The following SOX6 variants were observed in gnomAD, a reference collection of about 807,000 sequenced individuals.
The protein encoded by SOX6 is SRY-box transcription factor 6, also known as transcription factor SOX-6.
In SOX6, 11 loss-of-function variants were observed where a neutral mutation model predicts 97.8. The observed-to-expected ratio is 0.11, with a 90% CI of 0.07 to 0.19. SOX6 has a LOEUF of 0.19. Ranked by LOEUF, SOX6 falls within the 10% of genes least tolerant of loss-of-function variation. SOX6 has a pLI of 1.00. For missense variants in SOX6, 810 were observed against 1,039.5 expected (o/e 0.78, Z 3.04); for synonymous variants, 360 against 371.4 (o/e 0.97, Z 0.35).
chr11:16,279,411 ACTAT>A (rs952341719), intron 3 of SOX6, among the ~76,000 whole-genome samples: 3 of 152,090 alleles, frequency 2.0e-5, no homozygotes, highest in Non-Finnish European at 4.4e-5. Flanking sequence ...CAGTTTTTAG[ACTAT>A]CTTTTAAAAA....
At chr11:16,125,927 C>T (rs1053043098) in intron 6 of SOX6, among the ~76,000 whole-genome samples, 3 of 151,850 alleles carry the variant, frequency 2.0e-5, no homozygotes, top group Non-Finnish European at 4.4e-5. Flanking sequence ...TCTCTACTCT[C>T]CAATTCTCCA....
chr11:16,145,022 C>A, intron 6 of SOX6, among the ~76,000 whole-genome samples: 1 of 152,140 alleles, frequency 6.6e-6, no homozygotes, highest in East Asian at 1.9e-4. Context: ...CATCCTGATA[C>A]CAAAGCCTGG....
intron 4 of SOX6, among the ~76,000 whole-genome samples, chr11:16,597,426 T>A (rs1848225284): frequency 6.6e-6 from 1 of 151,790 alleles, no homozygotes; most frequent in Non-Finnish European, 1.5e-5. Flanking sequence ...ACCATCCCCA[T>A]TTTTAAAATT....
chr11:16,100,698 C>T (rs1444255790), intron 7 of SOX6, among the ~76,000 whole-genome samples: 3 of 151,060 alleles, frequency 2.0e-5, no homozygotes, highest in African/African-American at 4.9e-5. Context: ...TAGATTCAGG[C>T]TACCTCCTGC....
intron 4 of SOX6, among the ~76,000 whole-genome samples, chr11:16,583,097 G>A (rs1367394568): frequency 1.3e-5 from 2 of 151,988 alleles, no homozygotes; most frequent in African/African-American, 4.8e-5. Flanking sequence ...GGTAAGGTAT[G>A]CCTTAGATAA....
At chr11:16,522,716 G>A (rs1861088584) in intron 4 of SOX6, among the ~76,000 whole-genome samples, 1 of 152,160 alleles carries the variant, frequency 6.6e-6, no homozygotes, top group Non-Finnish European at 1.5e-5. Context: ...ACCCATCAGT[G>A]TGCTGTATTC....
chr11:16,314,521 A>G (rs1175417882), intron 3 of SOX6: 1 of 152,178 alleles, frequency 6.6e-6, no homozygotes, highest in Non-Finnish European at 1.5e-5. Context: ...GAATTATTAA[A>G]AGTTAGAGAC....
intron 3 of SOX6, chr11:16,318,167 A>T: frequency 2.2e-6 from 1 of 453,294 alleles, no homozygotes; most frequent in Non-Finnish European, 4.0e-6. Context: ...TTCTCTTGTT[A>T]CCTTTTTCCA....
At chr11:16,398,285 C>T (rs977038452) in intron 1 of SOX6, among the ~76,000 whole-genome samples, 2 of 151,458 alleles carry the variant, frequency 1.3e-5, no homozygotes, top group African/African-American at 4.8e-5. Flanking sequence ...TTGACCTTGA[C>T]CTTTTGTCTT....
chr11:16,655,356 C>G (rs1847707311), intron 3 of SOX6, among the ~76,000 whole-genome samples: 1 of 152,022 alleles, frequency 6.6e-6, no homozygotes, highest in African/African-American at 2.4e-5. Flanking sequence ...TTAAATGAAA[C>G]TGGGAAGTGA....
intron 4 of SOX6, among the ~76,000 whole-genome samples, chr11:16,188,229 C>CAAAAAAAAAAA (rs5789943): frequency 8.8e-6 from 1 of 113,602 alleles, no homozygotes; most frequent in Non-Finnish European, 1.9e-5. Context: ...AACTCAGGTC[C>CAAAAAAAAAAA]AAAAAAAAAA....
At chr11:16,544,287 T>C (rs1847588919) in intron 4 of SOX6, among the ~76,000 whole-genome samples, 2 of 152,104 alleles carry the variant, frequency 1.3e-5, no homozygotes, top group Non-Finnish European at 2.9e-5. Context: ...GGAGACAGGG[T>C]CTTGCTCTGT....
chr11:16,328,812 C>A (rs1856187641), intron 2 of SOX6, among the ~76,000 whole-genome samples: 1 of 152,012 alleles, frequency 6.6e-6, no homozygotes, highest in Non-Finnish European at 1.5e-5. Context: ...ATGCTGAAGA[C>A]TAAATTGCAA....
At chr11:16,201,522 A>C (rs185518148) in intron 4 of SOX6, among the ~76,000 whole-genome samples, 5 of 150,454 alleles carry the variant, frequency 3.3e-5, no homozygotes, top group African/African-American at 1.2e-4. Context: ...TATATTCTAT[A>C]TATAGATAGA....
intron 3 of SOX6, chr11:16,646,377 T>A (rs934786504): frequency 6.6e-6 from 1 of 152,218 alleles, no homozygotes; most frequent in African/African-American, 2.4e-5. Flanking sequence ...ATTCTATTTA[T>A]ATTTACTGTG....
At chr11:16,200,326 T>C (rs190474864) in intron 4 of SOX6, among the ~76,000 whole-genome samples, 1 of 152,306 alleles carries the variant, frequency 6.6e-6, no homozygotes, top group East Asian at 1.9e-4. Flanking sequence ...ACTCACTTTC[T>C]ACAGTTTAAG....
intron 3 of SOX6, among the ~76,000 whole-genome samples, chr11:16,661,589 G>A (rs918526392): frequency 2.0e-5 from 3 of 151,718 alleles, no homozygotes; most frequent in East Asian, 3.9e-4. Flanking sequence ...GCTCTGTCAC[G>A]AAGGCTGAAG....
chr11:16,667,329 C>T (rs531298258), intron 3 of SOX6, among the ~76,000 whole-genome samples: 1 of 152,146 alleles, frequency 6.6e-6, no homozygotes, highest in Non-Finnish European at 1.5e-5. Flanking sequence ...GGTTATAGAA[C>T]ACCAAGCAGA....
At chr11:16,019,054 G>A (rs1200706959) in intron 12 of SOX6, among the ~76,000 whole-genome samples, 2 of 152,114 alleles carry the variant, frequency 1.3e-5, no homozygotes, top group African/African-American at 4.8e-5. Context: ...AGAGAGACAA[G>A]CCTTTTTCAA....
Sources: gnomAD v4.1 joint callset for allele counts (sites outside exome capture counted in the v4.1 genomes callset) on GRCh38, gnomAD v4.1.1 for gene constraint, MANE v1.5 for transcripts, NCBI Gene and HGNC (gene_info 2026-07-23, HGNC 2026-07-21) for gene names.